The following TET3 variants were observed in gnomAD, a reference collection of about 807,000 sequenced individuals.
The protein encoded by TET3 is tet methylcytosine dioxygenase 3.
In TET3, 19 loss-of-function variants were observed where a neutral mutation model predicts 141.4. That is an observed-to-expected ratio of 0.13 (90% CI 0.09 to 0.20). TET3 has a LOEUF of 0.20. Ranked by LOEUF, TET3 falls within the 10% of genes least tolerant of loss-of-function variation. The probability of loss-of-function intolerance (pLI) is 1.00; values close to 1 mark genes in which losing one functional copy is unlikely to be tolerated. For missense variants in TET3, 1,874 were observed against 2,356.9 expected, an observed-to-expected ratio of 0.80 and a Z score of 4.24; for synonymous variants, 1,043 against 980.9, an observed-to-expected ratio of 1.06 and a Z score of -1.18.
the TET3 span, among the ~76,000 whole-genome samples, chr2:74,129,886 G>C: frequency 6.6e-6 from 1 of 152,042 alleles, no homozygotes; most frequent in Admixed American, 6.6e-5. Context: ...CTGAGGTCAG[G>C]AGTTCGAGAC....
At chr2:74,064,182 A>T (rs1354317006) in intron 4 of TET3, among the ~76,000 whole-genome samples, 1 of 152,126 alleles carries the variant, frequency 6.6e-6, no homozygotes, top group Non-Finnish European at 1.5e-5. Context: ...GATGTCTTAT[A>T]CTAGTTGTTG....
the TET3 span, chr2:74,134,862 GCCATGGCTGCAGCAGGAATGGATGTC>G: frequency 9.3e-6 from 4 of 429,262 alleles, no homozygotes; most frequent in African/African-American, 8.1e-5. Flanking sequence ...AGATGTTGTA[GCCATGGCTGCAGCAGGAATGGATGTC>G]CCACTGTCCC....
chr2:74,105,626 G>A lies in TET3; in HGVS notation c.*3450G>A, dbSNP rs1691449568. On this transcript the variant is annotated 3_prime_UTR_variant, in exon 12 of 12. Coordinates refer to ENST00000409262, the MANE Select transcript of TET3 (RefSeq NM_001287491.2). Reference sequence around the variant, plus strand: ...GCGTGGAAAGAGATGATACCCCACCGCCCCCTCTTGGTCCTTCCACCAGCC... The same window carrying A: ...GCGTGGAAAGAGATGATACCCCACCACCCCCTCTTGGTCCTTCCACCAGCC... The A allele has an allele frequency of 8.1e-6, 3 of 372,500 alleles. No homozygotes were observed. Among genetic ancestry groups the A allele is most frequent in the Non-Finnish European group, 1.4e-5 (3 of 209,418 alleles). 23.1% of individuals were successfully genotyped at this position (372,500 alleles called of 1,614,324 possible). A position where few individuals can be genotyped will look rare whatever the true frequency, so the allele number is the denominator to read the frequency against.
chr2:74,047,274 C>G lies in TET3; in HGVS notation c.1357C>G (p.Pro453Ala), dbSNP rs370240206. 3.7e-6 allele frequency: 6 copies of G among 1,613,910 alleles called. No individual in the cohort carries two copies. In the African/African-American group the frequency reaches 8.0e-5, roughly 22 times the overall value. ...AACGCCCCGGAGCTCCTGGCCCATG[C>G]CTCGCCCAAGCCCCGATCCCATGGC... The part of the protein sequence containing the change: ...PATPRSSWPM[P>A]RPSPDPMAEL... The change falls in exon 4 of 12, where the codon CCT (proline) becomes GCT (alanine). Residue 453 changes from proline to alanine, a missense_variant. By Grantham distance (27) the Pro-to-Ala change is conservative. Coordinates refer to ENST00000409262, the MANE Select transcript of TET3 (RefSeq NM_001287491.2).
At position 74,047,383 on chromosome 2, in the gene TET3, A is replaced by G; in HGVS notation, c.1466A>G (p.Lys489Arg). The change falls in exon 4 of 12, where the codon AAG becomes AGG. Residue 489 changes from lysine to arginine, a missense_variant. By Grantham distance (26) the Lys-to-Arg change is conservative. Around this residue, in one of 10 missense-constraint regions of TET3, gnomAD observed 484 missense variants for 462.2 expected, o/e 1.05. Coordinates refer to ENST00000409262, the MANE Select transcript of TET3 (RefSeq NM_001287491.2). Reference sequence around the variant, plus strand: ...CCTGAGGCCCTGCCTACCAAGCCCAAGGTCAAGGTGGAGGCACCCTCTTCC... The same window carrying G: ...CCTGAGGCCCTGCCTACCAAGCCCAGGGTCAAGGTGGAGGCACCCTCTTCC... ...KRPEALPTKP[K>R]VKVEAPSSSP... 2 of 1,613,806 alleles carry G rather than the reference A, an allele frequency of 1.2e-6. No homozygotes were observed. The highest frequency in any genetic ancestry group is 1.1e-5 in the South Asian group (1 of 91,062).
intron 2 of TET3, among the ~76,000 whole-genome samples, chr2:73,989,461 T>C (rs1405220981): frequency 1.3e-5 from 2 of 152,196 alleles, no homozygotes; most frequent in South Asian, 2.1e-4. Context: ...AGTTACTTTA[T>C]ATCATCCTGT....
chr2:74,018,267 T>G (rs56247747), intron 3 of TET3, among the ~76,000 whole-genome samples: 1 of 152,084 alleles, frequency 6.6e-6, no homozygotes, highest in Non-Finnish European at 1.5e-5. Context: ...GTGCCTGGCC[T>G]TCTTCTGTCA....
chr2:74,133,144 C>T, the TET3 span, among the ~76,000 whole-genome samples: 5 of 150,570 alleles, frequency 3.3e-5, no homozygotes, highest in East Asian at 3.9e-4. Flanking sequence ...GAACTCCTGA[C>T]CTCAAGTGAT....
At chr2:74,001,617 AG>A (rs2105134931) in intron 2 of TET3, among the ~76,000 whole-genome samples, 1 of 152,294 alleles carries the variant, frequency 6.6e-6, no homozygotes, top group South Asian at 2.1e-4. Flanking sequence ...TGGGGTGCTC[AG>A]CTACAGGGAG....
chr2:74,122,149 CAT>C, the TET3 span: 1 of 152,086 alleles, frequency 6.6e-6, no homozygotes, highest in Non-Finnish European at 1.5e-5. Context: ...AAATGAAAAA[CAT>C]GTACAAAAGA....
chr2:74,005,672 G>A (rs1685116735), intron 3 of TET3, among the ~76,000 whole-genome samples: 1 of 152,214 alleles, frequency 6.6e-6, no homozygotes, highest in South Asian at 2.1e-4. Context: ...AGCCCCATGG[G>A]AGAATGGTAT....
rs1424664870 is a variant in TET3, at chr2:74,047,865, G to A, written c.1948G>A (p.Ala650Thr). 6.2e-7 allele frequency: 1 copy of A among 1,612,686 alleles called. No homozygotes were observed. Among genetic ancestry groups the A allele is most frequent in the African/African-American group, 1.3e-5 (1 of 74,882 alleles). The change falls in exon 4 of 12, where the codon GCC (alanine) becomes ACC (threonine). Residue 650 changes from alanine to threonine, a missense_variant. Ala to Thr is a moderately conservative substitution (Grantham distance 58). Coordinates refer to ENST00000409262, the MANE Select transcript of TET3 (RefSeq NM_001287491.2). ...GGCTCATCCACCGGCCCCTCTGCCT[G>A]CCTCACAGGGCTCTGCTGTGCCCCT... ...VQAHPPAPLP[A>T]SQGSAVPLPP... is the part of the protein sequence containing the mutation.
At chr2:74,132,396 C>T in the TET3 span, among the ~76,000 whole-genome samples, 70 of 152,274 alleles carry the variant, frequency 4.6e-4, no homozygotes, top group Middle Eastern at 3.4e-3. Context: ...GTCTGCTCTT[C>T]CCACGGCCTG....
chr2:74,133,299 T>TG, the TET3 span, among the ~76,000 whole-genome samples: 2 of 152,210 alleles, frequency 1.3e-5, no homozygotes, highest in Admixed American at 6.5e-5. Flanking sequence ...AATTATCAAT[T>TG]GCTGCATAAA....
chr2:74,081,222 C>T (rs755326979), intron 6 of TET3, among the ~76,000 whole-genome samples: 1 of 152,222 alleles, frequency 6.6e-6, no homozygotes, highest in Non-Finnish European at 1.5e-5. Context: ...CAAACAGAGT[C>T]CTTCTGACCT....
At chr2:73,987,236 C>T (rs1286795710) in intron 2 of TET3, among the ~76,000 whole-genome samples, 1 of 152,080 alleles carries the variant, frequency 6.6e-6, no homozygotes, top group Non-Finnish European at 1.5e-5. Context: ...TTGGGTTCCC[C>T]TATCTTAGTT....
At chr2:74,073,873 T>A (rs561340332) in intron 5 of TET3, 1 of 409,396 alleles carries the variant, frequency 2.4e-6, no homozygotes, top group East Asian at 4.3e-5. Context: ...CTTGAAATGT[T>A]TTTATGGTTA....
intron 3 of TET3, among the ~76,000 whole-genome samples, chr2:74,033,360 T>C (rs1686858318): frequency 6.6e-6 from 1 of 152,234 alleles, no homozygotes; most frequent in South Asian, 2.1e-4. Context: ...TTGGGCAATA[T>C]TTTGAATCCT....
At chr2:74,129,325 A>C in the TET3 span, among the ~76,000 whole-genome samples, 1 of 145,156 alleles carries the variant, frequency 6.9e-6, no homozygotes, top group Non-Finnish European at 1.5e-5. Flanking sequence ...TCAAAAAAAA[A>C]AAAAAAAAAA....
Sources: gnomAD v4.1 joint callset for allele counts (sites outside exome capture counted in the v4.1 genomes callset) on GRCh38, gnomAD v4.1.1 for gene constraint, gnomAD v4.1.1 regional missense constraint, MANE v1.5 for transcripts, NCBI Gene and HGNC (gene_info 2026-07-23, HGNC 2026-07-21) for gene names.